VAMP7: variants seen among roughly 807,000 people sequenced by gnomAD.
VAMP7 encodes vesicle associated membrane protein 7, also known as vesicle-associated membrane protein 7.
A neutral mutation model predicts 29.6 loss-of-function variants in VAMP7; 14 were observed. The observed-to-expected ratio is 0.47, with a 90% CI of 0.31 to 0.74. VAMP7 has a LOEUF of 0.74. VAMP7 is among the 30% of genes least tolerant of loss of function. The pLI, the probability that VAMP7 is intolerant of heterozygous loss-of-function variation, is 0.05. For missense variants in VAMP7, 223 were observed against 262.4 expected (o/e 0.85, Z 1.04); for synonymous variants, 95 against 88.1 (o/e 1.08, Z -0.44).
chrX:155,910,809 G>C (rs1284311065), intron 5 of VAMP7, among the ~76,000 whole-genome samples: 3 of 151,836 alleles, frequency 2.0e-5, no homozygotes, highest in African/African-American at 7.2e-5. Context: ...TATATCTCCT[G>C]TTGAGTTCAT....
chrX:155,907,069 G>C (rs1468171543), intron 5 of VAMP7, among the ~76,000 whole-genome samples: 3 of 151,814 alleles, frequency 2.0e-5, no homozygotes, highest in African/African-American at 7.3e-5. Flanking sequence ...GATGGTTTTT[G>C]TTCTTTATTA....
chrX:155,891,139 A>T (rs1298042005), intron 2 of VAMP7, among the ~76,000 whole-genome samples: 2 of 152,190 alleles, frequency 1.3e-5, no homozygotes, highest in African/African-American at 2.4e-5. Context: ...CTTACTGTTC[A>T]CTACACAGTC....
At position 155,942,254 on chromosome X, in the gene VAMP7, A is replaced by T; in HGVS notation, c.*303A>T. On this transcript the variant is annotated 3_prime_UTR_variant, in exon 8 of 8. Transcript: ENST00000286448. Reference sequence around the variant, plus strand: ...GAAACATTTTTGTTTTTAATTGCTCAAAGCTGTCGCCGCTAGTCTTATGAG... The same window carrying T: ...GAAACATTTTTGTTTTTAATTGCTCTAAGCTGTCGCCGCTAGTCTTATGAG... The T allele has an allele frequency of 7.5e-7, 1 of 1,340,864 alleles. No individual in the cohort carries two copies. Among genetic ancestry groups the T allele is most frequent in the Non-Finnish European group, 1.0e-6 (1 of 998,978 alleles). The allele number at this position is 1,340,864 out of a possible 1,614,324, so 83.1% of individuals were successfully genotyped here. A position where few individuals can be genotyped will look rare whatever the true frequency, so the allele number is the denominator to read the frequency against.
chrX:155,898,302 T>A lies in VAMP7; in HGVS notation c.342+53T>A. On this transcript the variant is annotated intron_variant, in intron 4 of 7. Coordinates refer to ENST00000286448, the MANE Select transcript of VAMP7 (RefSeq NM_005638.6). ...TTGATTTATATCTTCTTCATTACCT[T>A]CAAACACTATGAATCTAGGGGGCCC... 4.4e-6 allele frequency: 7 copies of A among 1,594,056 alleles called. No homozygotes were observed. The South Asian group carries it at 8.0e-5, about 18-fold the overall frequency.
chrX:155,942,293 C>G lies in VAMP7; in HGVS notation c.*342C>G, dbSNP rs1309724497. ...TAGTCTTATGAGCTATCTACTAAAA[C>G]TATGGAGAAACTTTGTATGTGCACA... On this transcript the variant is annotated 3_prime_UTR_variant, in exon 8 of 8. Coordinates refer to ENST00000286448, the MANE Select transcript of VAMP7 (RefSeq NM_005638.6). 1.1e-6 allele frequency: 1 copy of G among 932,198 alleles called. No individual in the cohort carries two copies. Among genetic ancestry groups the G allele is most frequent in the South Asian group, 1.9e-5 (1 of 53,952 alleles). The allele number at this position is 932,198 out of a possible 1,614,324, so 57.7% of individuals were successfully genotyped here.
At chrX:155,900,279 G>T (rs2066043714) in intron 4 of VAMP7, among the ~76,000 whole-genome samples, 1 of 150,966 alleles carries the variant, frequency 6.6e-6, no homozygotes, top group Non-Finnish European at 1.5e-5. Context: ...GTAATTTTTA[G>T]ACTACATACT....
chrX:155,893,371 A>G (rs2065947844), intron 2 of VAMP7, among the ~76,000 whole-genome samples: 1 of 152,176 alleles, frequency 6.6e-6, no homozygotes, highest in Non-Finnish European at 1.5e-5. Flanking sequence ...ACTACAACAA[A>G]ACATGAGAGT....
chrX:155,941,610 T>C (rs1457159023), intron 7 of VAMP7, among the ~76,000 whole-genome samples: 9 of 152,174 alleles, frequency 5.9e-5, no homozygotes, highest in Non-Finnish European at 1.3e-4. Flanking sequence ...GCCTTGATTC[T>C]GCCGAGTTAC....
Position 155,898,178 on chromosome X carries a change from G to A in VAMP7, c.271G>A (p.Gly91Ser). 2 of 1,613,570 alleles carry A rather than the reference G, an allele frequency of 1.2e-6. No individual in the cohort carries two copies. The highest frequency in any genetic ancestry group is 1.7e-6 in the Non-Finnish European group (2 of 1,179,656). The change falls in exon 4 of 8, where the codon GGT becomes AGT. Residue 91 changes from glycine to serine, a missense_variant. Coordinates refer to ENST00000286448, the MANE Select transcript of VAMP7 (RefSeq NM_005638.6). ...AAAGAAGAGGTTCCAGACTACTTAC[G>A]GTTCAAGAGCACAGACAGCACTTCC... The part of the protein sequence containing the change: ...EIKKRFQTTY[G>S]SRAQTALPYA...
intron 5 of VAMP7, among the ~76,000 whole-genome samples, chrX:155,914,346 C>A (rs746192346): frequency 2.9e-4 from 44 of 152,126 alleles, no homozygotes; most frequent in Non-Finnish European, 4.3e-4. Context: ...ATTTGAATAC[C>A]CTTTATTTCT....
At chrX:155,888,266 G>C (rs1481099188) in intron 1 of VAMP7, among the ~76,000 whole-genome samples, 5 of 152,144 alleles carry the variant, frequency 3.3e-5, no homozygotes, top group African/African-American at 1.2e-4. Flanking sequence ...GTTTGCTGTT[G>C]TGTTTCACAA....
chrX:155,936,353 C>T (rs756176641), intron 6 of VAMP7, among the ~76,000 whole-genome samples: 11 of 152,318 alleles, frequency 7.2e-5, no homozygotes, highest in South Asian at 2.1e-4. Flanking sequence ...CCACCCAGTT[C>T]GAGCTTCCCG....
Position 155,942,265 on chromosome X carries a change from C to A in VAMP7, c.*314C>A. The A allele has an allele frequency of 3.2e-6, 4 of 1,237,080 alleles. No homozygotes were observed. Among genetic ancestry groups the A allele is most frequent in the Non-Finnish European group, 4.4e-6 (4 of 908,280 alleles). 76.6% of individuals were successfully genotyped at this position (1,237,080 alleles called of 1,614,324 possible). On this transcript the variant is annotated 3_prime_UTR_variant, in exon 8 of 8. Coordinates refer to ENST00000286448, the MANE Select transcript of VAMP7 (RefSeq NM_005638.6). The stretch of plus-strand genomic sequence containing the variant: ...GTTTTTAATTGCTCAAAGCTGTCGC[C>A]GCTAGTCTTATGAGCTATCTACTAA...
At chrX:155,916,123 CTTTTTTGAT>C (rs1035558375) in intron 5 of VAMP7, among the ~76,000 whole-genome samples, 6 of 152,046 alleles carry the variant, frequency 3.9e-5, no homozygotes, top group African/African-American at 1.4e-4. Context: ...CCTTTTTTGT[CTTTTTTGAT>C]CTTTGTTGGT....
intron 5 of VAMP7, among the ~76,000 whole-genome samples, chrX:155,901,919 G>T (rs934016039): frequency 6.6e-6 from 1 of 152,056 alleles, no homozygotes; most frequent in African/African-American, 2.4e-5. Context: ...AAAGTCATTG[G>T]TAGCTTGATG....
chrX:155,907,578 A>G (rs1393043457), intron 5 of VAMP7, among the ~76,000 whole-genome samples: 2 of 151,700 alleles, frequency 1.3e-5, no homozygotes, highest in African/African-American at 4.9e-5. Flanking sequence ...TTCAGAGAGC[A>G]CAGGGTTGGG....
intron 6 of VAMP7, among the ~76,000 whole-genome samples, chrX:155,934,203 A>G (rs925237456): frequency 1.3e-5 from 2 of 152,164 alleles, no homozygotes; most frequent in Non-Finnish European, 2.9e-5. Flanking sequence ...AGTTCTGTAG[A>G]TGTCTGTTAG....
chrX:155,920,465 A>G (rs1395022968), intron 6 of VAMP7, among the ~76,000 whole-genome samples: 1 of 152,172 alleles, frequency 6.6e-6, no homozygotes, highest in Non-Finnish European at 1.5e-5. Context: ...TGGTGAACAG[A>G]AGGAGGGCAG....
intron 5 of VAMP7, among the ~76,000 whole-genome samples, chrX:155,907,808 G>A (rs750363856): frequency 0.011 from 1,724 of 152,250 alleles, 33 homozygotes; most frequent in African/African-American, 0.039. Context: ...CAGACGGGGC[G>A]GCTGCTGGGC....
Sources: allele counts gnomAD v4.1 joint callset (sites outside exome capture counted in the v4.1 genomes callset), GRCh38; gene constraint gnomAD v4.1.1; transcripts MANE v1.5; gene names NCBI Gene and HGNC (gene_info 2026-07-23, HGNC 2026-07-21).